The following INTS10 variants were observed in gnomAD, a reference collection of about 807,000 sequenced individuals.
INTS10 encodes chromosome 8 open reading frame 35.
INTS10 carries 44 observed loss-of-function variants against 94.4 expected under a neutral mutation model. That is an observed-to-expected ratio of 0.47 (90% CI 0.37 to 0.60). INTS10 has a LOEUF of 0.60. INTS10 is among the 20% of genes least tolerant of loss of function. The pLI, the probability that INTS10 is intolerant of heterozygous loss-of-function variation, is 0.00. For synonymous variants in INTS10, 341 were observed against 320.7 expected (o/e 1.06, Z -0.68); for missense variants, 797 against 868.7 (o/e 0.92, Z 1.04).
chr8:19,842,305 G>C (rs2068193744), intron 13 of INTS10, among the ~76,000 whole-genome samples: 1 of 152,142 alleles, frequency 6.6e-6, no homozygotes, highest in Admixed American at 6.5e-5. Context: ...AAAGCAATTT[G>C]CAGAAGGATA....
At chr8:19,833,880 A>C (rs2067439754) in intron 12 of INTS10, among the ~76,000 whole-genome samples, 1 of 151,974 alleles carries the variant, frequency 6.6e-6, no homozygotes, top group African/African-American at 2.4e-5. Context: ...GGTGGTGGGC[A>C]CCTGTAATCC....
rs1346985767 is a variant in INTS10 at position 19,843,938 on chromosome 8, T to A, written c.1720-138T>A. On this transcript the variant is annotated intron_variant, in intron 14 of 16. Transcript: ENST00000397977. This position sits in a 1 kb window ranked among gnomAD's most constrained non-coding sequence, Gnocchi z 4.7. Reference sequence around the variant, plus strand: ...TGTTTACCAGCCATTTCGTTGTGCCTTTGTTTCCTTCTTACTCTAATGACG... The same window carrying A: ...TGTTTACCAGCCATTTCGTTGTGCCATTGTTTCCTTCTTACTCTAATGACG... The A allele has an allele frequency of 1.1e-5, 7 of 615,854 alleles. No homozygotes were observed. Among genetic ancestry groups the A allele is most frequent in the Non-Finnish European group, 1.9e-5 (7 of 368,806 alleles). 38.1% of individuals were successfully genotyped at this position (615,854 alleles called of 1,614,324 possible). A position where few individuals can be genotyped will look rare whatever the true frequency, so the allele number is the denominator to read the frequency against.
At chr8:19,834,875 G>T (rs115243192) in intron 12 of INTS10, among the ~76,000 whole-genome samples, 1 of 152,166 alleles carries the variant, frequency 6.6e-6, no homozygotes, top group East Asian at 1.9e-4. Context: ...AGCAGATTCA[G>T]TGTCTGGTGA....
chr8:19,845,927 T>G (rs956532649), intron 16 of INTS10, 130 bp downstream of exon 16: 3 of 547,078 alleles, frequency 5.5e-6, no homozygotes, highest in Non-Finnish European at 9.7e-6. Context: ...TCTGTTATGA[T>G]AGTTTGATTC....
At position 19,843,825 on chromosome 8, in the gene INTS10, A is replaced by C. The variant is rs905922716; in HGVS notation, c.1720-251A>C. Reference sequence around the variant, plus strand: ...AAAGCTTCAGGCCCACCCATGTCCAACTGCCATCTACACACTGCCAGCAGC... The same window carrying C: ...AAAGCTTCAGGCCCACCCATGTCCACCTGCCATCTACACACTGCCAGCAGC... On this transcript the variant is annotated intron_variant, in intron 14 of 16. Coordinates refer to ENST00000397977, the MANE Select transcript of INTS10 (RefSeq NM_018142.4). The surrounding 1 kb of genome is among the most constrained non-coding windows in gnomAD (Gnocchi z 4.7). Among the ~76,000 whole-genome samples the C allele has an allele frequency of 2.6e-5, 4 of 152,130 alleles. No homozygotes were observed. Among genetic ancestry groups the C allele is most frequent in the African/African-American group, 9.7e-5 (4 of 41,426 alleles).
chr8:19,826,433 T>G lies in INTS10; in HGVS notation c.1014T>G (p.Asn338Lys). The part of the protein sequence containing the change: ...SIQPSLFQGP[N>K]APSQVPLVLL... Reference sequence around the variant, plus strand: ...GTTTTTCCCCGTCCTTAGGTCCTAATGCCCCGAGCCAAGTTCCACTGGTTC... The same window carrying G: ...GTTTTTCCCCGTCCTTAGGTCCTAAGGCCCCGAGCCAAGTTCCACTGGTTC... The change falls in exon 9 of 17, where the codon AAT becomes AAG. Residue 338 changes from asparagine (N) to lysine (K), a missense_variant. Asn to Lys is a moderately conservative substitution (Grantham distance 94). Transcript: ENST00000397977. 4 of 1,609,714 alleles carry G rather than the reference T, an allele frequency of 2.5e-6. No individual in the cohort carries two copies. Among genetic ancestry groups the G allele is most frequent in the Non-Finnish European group, 3.4e-6 (4 of 1,178,778 alleles).
intron 16 of INTS10, among the ~76,000 whole-genome samples, chr8:19,847,681 C>T (rs982163944): frequency 1.3e-5 from 2 of 152,176 alleles, no homozygotes; most frequent in African/African-American, 4.8e-5. Context: ...AACAGTTGAA[C>T]CTCAGACTTC....
chr8:19,835,548 T>A (rs1048744805), intron 12 of INTS10, among the ~76,000 whole-genome samples: 1 of 152,224 alleles, frequency 6.6e-6, no homozygotes, highest in Non-Finnish European at 1.5e-5. Context: ...CAAAGACGAC[T>A]CAAGGAAAGA....
chr8:19,818,202 A>G (rs1326389174), intron 1 of INTS10, 73 bp from the exon 2 acceptor site: 4 of 1,472,844 alleles, frequency 2.7e-6, no homozygotes, highest in East Asian at 4.6e-5. Flanking sequence ...AGGAGGGCCA[A>G]CGAGCGATGC....
intron 5 of INTS10, 89 bp from the exon 6 acceptor site, chr8:19,823,212 A>C (rs777634370): frequency 1.0e-6 from 1 of 990,702 alleles, no homozygotes; most frequent in Non-Finnish European, 1.5e-6. Flanking sequence ...TAGATACTAC[A>C]TCAAATGAAC....
intron 15 of INTS10, among the ~76,000 whole-genome samples, chr8:19,844,501 C>T (rs1204681723): frequency 6.6e-6 from 1 of 152,208 alleles, no homozygotes; most frequent in Non-Finnish European, 1.5e-5. Context: ...CAAAATGCCT[C>T]CAGTAATAGC....
Position 19,842,898 on chromosome 8 carries a change from T to G in INTS10, c.1690T>G (p.Cys564Gly), listed in dbSNP as rs570749778. The G allele has an allele frequency of 9.0e-5, 145 of 1,612,554 alleles. No homozygotes were observed. In the South Asian group the frequency reaches 1.4e-3, roughly 16 times the overall value. Residue 564 changes from cysteine to glycine, a missense_variant, in exon 14 of 17, where the codon TGC becomes GGC. This residue lies in a region of INTS10 where 734 missense variants were observed against 787.8 expected (regional missense o/e 0.93). Transcript: ENST00000397977. Reference protein sequence around the residue: ...PCTSKAIMPYCLHLMLACFKL... With the variant: ...PCTSKAIMPYGLHLMLACFKL... ...TACCAGCAAGGCTATCATGCCATACTGCCTCCATTTAATGTTAGCCTGTTT... is the reference window on the plus strand; with the variant it reads ...TACCAGCAAGGCTATCATGCCATACGGCCTCCATTTAATGTTAGCCTGTTT...
At position 19,843,944 on chromosome 8, in the gene INTS10, T is replaced by C. The variant is rs1469425767; in HGVS notation, c.1720-132T>C. 2 of 633,860 alleles carry C rather than the reference T, an allele frequency of 3.2e-6. No individual in the cohort carries two copies. The highest frequency in any genetic ancestry group is 1.8e-5 in the African/African-American group (1 of 54,706). The allele number at this position is 633,860 out of a possible 1,614,324, so 39.3% of individuals were successfully genotyped here. On this transcript the variant is annotated intron_variant, in intron 14 of 16. Transcript: ENST00000397977. The surrounding 1 kb of genome is among the most constrained non-coding windows in gnomAD (Gnocchi z 4.7). ...CCAGCCATTTCGTTGTGCCTTTGTT[T>C]CCTTCTTACTCTAATGACGTTTATC...
At chr8:19,829,703 C>G (rs987050051) in intron 9 of INTS10, among the ~76,000 whole-genome samples, 8 of 152,282 alleles carry the variant, frequency 5.3e-5, no homozygotes, top group Non-Finnish European at 1.0e-4. Flanking sequence ...GAGTCTTGCT[C>G]TGTCGCCCAG....
At chr8:19,820,311 C>G in intron 3 of INTS10, 68 bp from the exon 4 acceptor site, 4 of 1,499,050 alleles carry the variant, frequency 2.7e-6, no homozygotes, top group Admixed American at 1.9e-5. Flanking sequence ...AAATGCCTTA[C>G]TCAGCACTGT....
chr8:19,830,432 G>C lies in INTS10; in HGVS notation c.1167G>C (p.Ala389=). Residue 389 remains alanine, a synonymous_variant, in exon 10 of 17, where the codon GCG becomes GCC. Transcript: ENST00000397977. ...TMSSDDEDCS[A]KGRNRHIVVN... is the part of the protein sequence containing the mutation. ...GTTCAGACGATGAAGACTGTTCGGCGAAAGGAAGAAATCGTCACATTGTAG... is the reference window on the plus strand; with the variant it reads ...GTTCAGACGATGAAGACTGTTCGGCCAAAGGAAGAAATCGTCACATTGTAG... The C allele has an allele frequency of 6.2e-7, 1 of 1,613,876 alleles. No individual in the cohort carries two copies. The highest frequency in any genetic ancestry group is 1.3e-5 in the African/African-American group (1 of 75,030).
chr8:19,846,774 C>G lies in INTS10; in HGVS notation c.1976+977C>G, dbSNP rs2128811291. On this transcript the variant is annotated intron_variant, in intron 16 of 16. Transcript: ENST00000397977. This position sits in a 1 kb window ranked among gnomAD's most constrained non-coding sequence, Gnocchi z 4.2. ...GCTCATAAATCTTGCTTCTCTCCTT[C>G]AATCCTCATTGTAGTTTGGGTAATA... Among the ~76,000 whole-genome samples, 1 of 152,316 alleles carries G rather than the reference C, an allele frequency of 6.6e-6. No individual in the cohort carries two copies. The highest frequency in any genetic ancestry group is 1.5e-5 in the Non-Finnish European group (1 of 68,024).
intron 5 of INTS10, 34 bp from the exon 6 acceptor site, chr8:19,823,267 A>G (rs759033705): frequency 3.9e-6 from 6 of 1,549,312 alleles, no homozygotes; most frequent in African/African-American, 1.4e-5. Flanking sequence ...TAGACAACCT[A>G]ATTAATTTAT....
chr8:19,845,570 C>A, intron 15 of INTS10, 134 bp from the exon 16 acceptor site: 1 of 657,138 alleles, frequency 1.5e-6, no homozygotes, highest in South Asian at 1.8e-5. Context: ...ACCCCATTTC[C>A]TTATCAGAGA....
Sources: allele counts gnomAD v4.1 joint callset (sites outside exome capture counted in the v4.1 genomes callset), GRCh38; gene constraint gnomAD v4.1.1; regional missense constraint gnomAD v4.1.1; non-coding constraint Gnocchi (gnomAD v3.1); transcripts MANE v1.5; gene names NCBI Gene and HGNC (gene_info 2026-07-23, HGNC 2026-07-21).